Variants in RBMS3 observed in about 807,000 individuals in gnomAD.
RBMS3 encodes RNA-binding motif, single-stranded-interacting protein 3.
Under a neutral mutation model 66.8 loss-of-function variants are expected in RBMS3, and 27 were observed. The observed-to-expected ratio is 0.40, with a 90% CI of 0.30 to 0.56. The LOEUF (loss-of-function observed/expected upper bound fraction) is 0.56. Among genes scored for constraint, RBMS3 ranks in the 20% least tolerant of loss-of-function variants. The probability of loss-of-function intolerance (pLI) is 0.40; values close to 1 mark genes in which losing one functional copy is unlikely to be tolerated. For synonymous variants in RBMS3, 188 were observed against 183.0 expected (o/e 1.03, Z -0.22); for missense variants, 513 against 549.5 (o/e 0.93, Z 0.66).
intron 4 of RBMS3, among the ~76,000 whole-genome samples, chr3:29,641,512 C>T (rs114465805): frequency 1.5e-3 from 224 of 152,062 alleles, no homozygotes; most frequent in African/African-American, 5.2e-3. Context: ...TGCTAAATTG[C>T]CTTCCAGAAT....
At chr3:29,739,552 C>T (rs1245788045) in intron 4 of RBMS3, among the ~76,000 whole-genome samples, 168 bp from the exon 5 acceptor site, 1 of 150,964 alleles carries the variant, frequency 6.6e-6, no homozygotes, top group Non-Finnish European at 1.5e-5. Context: ...CTATGATAAA[C>T]ATTCTGCACA....
At chr3:29,815,010 C>A (rs1462935498) in intron 6 of RBMS3, among the ~76,000 whole-genome samples, 1 of 152,116 alleles carries the variant, frequency 6.6e-6, no homozygotes, top group Non-Finnish European at 1.5e-5. Context: ...TGGAAAAAGA[C>A]ATCCTGAGGA....
At chr3:29,840,946 T>A (rs1305155083) in intron 6 of RBMS3, among the ~76,000 whole-genome samples, 1 of 152,014 alleles carries the variant, frequency 6.6e-6, no homozygotes, top group Non-Finnish European at 1.5e-5. Flanking sequence ...AGAAAAAGAT[T>A]CTGTAAATGT....
intron 4 of RBMS3, among the ~76,000 whole-genome samples, chr3:29,649,098 T>C (rs1000110544): frequency 6.6e-6 from 1 of 152,230 alleles, no homozygotes; most frequent in Non-Finnish European, 1.5e-5. Flanking sequence ...GTTTTCAAAG[T>C]CTGTTACCCC....
intron 5 of RBMS3, among the ~76,000 whole-genome samples, chr3:29,761,339 C>T (rs144231201): frequency 5.3e-5 from 8 of 152,240 alleles, no homozygotes; most frequent in East Asian, 3.9e-4. Context: ...GAACTCGTTC[C>T]TGATATTATC....
At chr3:29,683,716 T>G (rs190890067) in intron 4 of RBMS3, among the ~76,000 whole-genome samples, 1 of 152,342 alleles carries the variant, frequency 6.6e-6, no homozygotes, top group Admixed American at 6.5e-5. Context: ...TTTTCGGAAC[T>G]TGGGAACAGA....
At chr3:29,300,042 G>T (rs1376429467) in intron 1 of RBMS3, among the ~76,000 whole-genome samples, 1 of 151,866 alleles carries the variant, frequency 6.6e-6, no homozygotes, top group African/African-American at 2.4e-5. Context: ...TGAAGAAACA[G>T]AAATAGCTAC....
intron 6 of RBMS3, among the ~76,000 whole-genome samples, chr3:29,788,343 A>G (rs1321079333): frequency 2.0e-5 from 3 of 151,602 alleles, no homozygotes; most frequent in East Asian, 1.9e-4. Flanking sequence ...CTCCTGCCCC[A>G]CCCTCTCGAG....
intron 5 of RBMS3, among the ~76,000 whole-genome samples, chr3:29,749,871 C>G (rs6549954): frequency 6.6e-6 from 1 of 151,902 alleles, no homozygotes; most frequent in African/African-American, 2.4e-5. Flanking sequence ...AAAACAAACA[C>G]ATTCTTATTG....
intron 3 of RBMS3, among the ~76,000 whole-genome samples, chr3:29,539,315 A>T (rs2045678302): frequency 6.6e-6 from 1 of 152,224 alleles, no homozygotes; most frequent in Admixed American, 6.5e-5. Flanking sequence ...CCAAGCAAAA[A>T]TAAACTCCTT....
At position 29,932,455 on chromosome 3, in the gene RBMS3, G is replaced by A. The variant is rs567709559; in HGVS notation, c.940-3631G>A. On this transcript the variant is annotated intron_variant, in intron 10 of 14. Coordinates refer to ENST00000383767, the MANE Select transcript of RBMS3 (RefSeq NM_001003793.3). ...TATATCAGAATCACCTGGAGAGCTT[G>A]TTAAAATACAGATTTCAAGGCCTAA... is the stretch of plus-strand genomic sequence containing the variant. Among the ~76,000 whole-genome samples the A allele has an allele frequency of 2.6e-5, 4 of 152,168 alleles. No individual in the cohort carries two copies. The South Asian group carries it at 8.3e-4, about 31-fold the overall frequency.
At chr3:29,782,147 A>C (rs1048231391) in intron 6 of RBMS3, among the ~76,000 whole-genome samples, 2 of 152,080 alleles carry the variant, frequency 1.3e-5, no homozygotes, top group Admixed American at 6.6e-5. Context: ...AGGTGTCCCT[A>C]GGGCAAGTTT....
intron 4 of RBMS3, among the ~76,000 whole-genome samples, chr3:29,623,932 G>A (rs2048967040): frequency 6.6e-6 from 1 of 152,292 alleles, no homozygotes; most frequent in African/African-American, 2.4e-5. Context: ...ATTTTGTGGA[G>A]TATAGTTTAC....
intron 2 of RBMS3, among the ~76,000 whole-genome samples, chr3:29,445,932 G>A (rs1013053470): frequency 3.3e-5 from 5 of 152,046 alleles, no homozygotes; most frequent in Non-Finnish European, 7.4e-5. Context: ...ACATTATTGA[G>A]GAGTAAAATT....
intron 4 of RBMS3, among the ~76,000 whole-genome samples, chr3:29,645,770 G>A (rs187836407): frequency 6.6e-6 from 1 of 152,100 alleles, no homozygotes; most frequent in Non-Finnish European, 1.5e-5. Context: ...TTGATGTTTT[G>A]CAGCATGGAT....
chr3:29,784,739 A>G (rs899525419), intron 6 of RBMS3, among the ~76,000 whole-genome samples: 2 of 152,136 alleles, frequency 1.3e-5, no homozygotes, highest in African/African-American at 4.8e-5. Flanking sequence ...TAAATAAAAC[A>G]AAAAGCTCAT....
At chr3:29,903,141 C>G (rs2060295611) in intron 10 of RBMS3, 1 of 151,830 alleles carries the variant, frequency 6.6e-6, no homozygotes, top group Non-Finnish European at 1.5e-5. Context: ...AAAAAAAATA[C>G]TCTGGGAAGA....
intron 1 of RBMS3, among the ~76,000 whole-genome samples, chr3:29,301,927 T>C (rs909559491): frequency 6.6e-6 from 1 of 152,022 alleles, no homozygotes; most frequent in Non-Finnish European, 1.5e-5. Flanking sequence ...AGAAACATGA[T>C]TTTGAAGCCC....
chr3:30,004,026 T>C lies in RBMS3; in HGVS notation c.*164T>C. The C allele has an allele frequency of 2.2e-6, 1 of 446,608 alleles. No individual in the cohort carries two copies. Among genetic ancestry groups the C allele is most frequent in the Non-Finnish European group, 3.8e-6 (1 of 266,458 alleles). 27.7% of individuals were successfully genotyped at this position (446,608 alleles called of 1,614,324 possible). On this transcript the variant is annotated 3_prime_UTR_variant, in exon 15 of 15. Coordinates refer to ENST00000383767, the MANE Select transcript of RBMS3 (RefSeq NM_001003793.3). Reference sequence around the variant, plus strand: ...ACCTTACCCAATGAAAGCAAAGTTTTTATGTGCTGTGCAAATGGTCTTCAT... The same window carrying C: ...ACCTTACCCAATGAAAGCAAAGTTTCTATGTGCTGTGCAAATGGTCTTCAT...
Sources: gnomAD v4.1 joint callset for allele counts (sites outside exome capture counted in the v4.1 genomes callset) on GRCh38, gnomAD v4.1.1 for gene constraint, MANE v1.5 for transcripts, NCBI Gene and HGNC (gene_info 2026-07-23, HGNC 2026-07-21) for gene names.